TOX4: variants seen among roughly 807,000 people sequenced by gnomAD.
TOX4 encodes epidermal Langerhans cell protein LCP1.
TOX4 carries 12 observed loss-of-function variants against 61.0 expected under a neutral mutation model. The observed-to-expected ratio is 0.20, with a 90% CI of 0.13 to 0.32. The LOEUF is 0.32. Among genes scored for constraint, TOX4 ranks in the 10% least tolerant of loss-of-function variants. The probability of loss-of-function intolerance (pLI) is 1.00; values close to 1 mark genes in which losing one functional copy is unlikely to be tolerated. For synonymous variants in TOX4, 268 were observed against 274.8 expected (o/e 0.98, Z 0.24); for missense variants, 499 against 753.3 (o/e 0.66, Z 3.95).
intron 2 of TOX4, among the ~76,000 whole-genome samples, chr14:21,480,107 G>A (rs13329035): frequency 0.22 from 32,952 of 152,104 alleles, 4,326 homozygotes; most frequent in Middle Eastern, 0.33. Context: ...TACTAGTATT[G>A]TAGGTGTGAG....
intron 2 of TOX4, chr14:21,482,521 C>CT (rs1229788818): frequency 1.8e-5 from 8 of 454,358 alleles, no homozygotes; most frequent in African/African-American, 1.6e-4. Context: ...ATTTAAGCAT[C>CT]TTTGCTTATA....
chr14:21,488,981 C>T, intron 4 of TOX4, 131 bp downstream of exon 4: 1 of 1,352,756 alleles, frequency 7.4e-7, no homozygotes, highest in South Asian at 1.4e-5. Context: ...TATGGGGTTC[C>T]ACCTCCCAAT....
intron 6 of TOX4, 37 bp downstream of exon 6, chr14:21,492,413 TAAG>T: frequency 1.9e-6 from 3 of 1,610,838 alleles, no homozygotes; most frequent in Non-Finnish European, 2.5e-6. Flanking sequence ...TTTAAACCAG[TAAG>T]AAGTTTTTTG....
intron 2 of TOX4, among the ~76,000 whole-genome samples, chr14:21,478,494 A>C (rs1300644628): frequency 7.2e-6 from 1 of 138,156 alleles, no homozygotes; most frequent in Non-Finnish European, 1.6e-5. Context: ...GGTTATGATG[A>C]AACCCTGAAG....
At chr14:21,492,253 T>C in intron 5 of TOX4, 43 bp from the exon 6 acceptor site, 1 of 1,518,728 alleles carries the variant, frequency 6.6e-7, no homozygotes, top group Non-Finnish European at 9.0e-7. Context: ...TTCCTAAGAG[T>C]ATGGGGAGTT....
At position 21,492,937 on chromosome 14, in the gene TOX4, C is replaced by T; in HGVS notation, c.1321C>T (p.Pro441Ser). Reference sequence around the variant, plus strand: ...TGCTGCTTCTATGCAACTGCCTCCACCCCGACTACAGCCCCCTCCATTACA... The same window carrying T: ...TGCTGCTTCTATGCAACTGCCTCCATCCCGACTACAGCCCCCTCCATTACA... The part of the protein sequence containing the change: ...AAAASMQLPP[P>S]RLQPPPLQQM... Residue 441 changes from proline (P) to serine (S), a missense_variant, in exon 7 of 9, where the codon CCC becomes TCC. Physicochemically the swap from Pro to Ser is moderately conservative, Grantham distance 74. This residue lies in a region of TOX4 where 296 missense variants were observed against 404.7 expected (regional missense o/e 0.73). Transcript: ENST00000448790. The T allele has an allele frequency of 1.2e-6, 2 of 1,611,538 alleles. No individual in the cohort carries two copies. The highest frequency in any genetic ancestry group is 1.1e-5 in the South Asian group (1 of 90,878).
intron 5 of TOX4, among the ~76,000 whole-genome samples, chr14:21,490,292 C>T (rs1001801062): frequency 2.0e-5 from 3 of 151,998 alleles, no homozygotes; most frequent in East Asian, 1.9e-4. Flanking sequence ...TCCTGGCTGA[C>T]ATTGAAACCC....
chr14:21,499,015 G>A lies in TOX4; in HGVS notation c.*2409G>A. 1 of 1,595,838 alleles carries A rather than the reference G, an allele frequency of 6.3e-7. No homozygotes were observed. The highest frequency in any genetic ancestry group is 1.1e-5 in the South Asian group (1 of 90,716). On this transcript the variant is annotated 3_prime_UTR_variant, in exon 9 of 9. Transcript: ENST00000448790. ...CCCTTGAGGACTAGCCTGTTCTCTG[G>A]TCACCTTACCAGTTGGGTTGCACAT... is the stretch of plus-strand genomic sequence containing the variant.
intron 2 of TOX4, 25 bp from the exon 3 acceptor site, chr14:21,487,426 C>G (rs376001036): frequency 6.2e-7 from 1 of 1,608,430 alleles, no homozygotes; most frequent in Admixed American, 1.7e-5. Context: ...TTCACTAATT[C>G]TTTTCCCCCT....
Position 21,498,205 on chromosome 14 carries a change from G to T in TOX4, c.*1599G>T. The T allele has an allele frequency of 2.9e-6, 3 of 1,028,278 alleles. No individual in the cohort carries two copies. The highest frequency in any genetic ancestry group is 1.3e-5 in the South Asian group (1 of 77,978). 63.7% of individuals were successfully genotyped at this position (1,028,278 alleles called of 1,614,324 possible). ...CTATTGTACAAATATCACTCTTCAG[G>T]TTTAGCTTACAGAGCCATGGCTATG... On this transcript the variant is annotated 3_prime_UTR_variant, in exon 9 of 9. Transcript: ENST00000448790.
At position 21,495,378 on chromosome 14, in the gene TOX4, G is replaced by C. The variant is rs1429396354; in HGVS notation, c.1791G>C (p.Val597=). ...ATGAATACTGCAGCAATGAGTGTGT[G>C]GTGAAGCACTGCAGGTGAGCTTACA... ...WDNEYCSNEC[V]VKHCRDVFLA... Residue 597 remains valine (V), a synonymous_variant, in exon 8 of 9, where the codon GTG becomes GTC. Coordinates refer to ENST00000448790, the MANE Select transcript of TOX4 (RefSeq NM_014828.4). 1 of 1,613,380 alleles carries C rather than the reference G, an allele frequency of 6.2e-7. No individual in the cohort carries two copies. Among genetic ancestry groups the C allele is most frequent in the Non-Finnish European group, 8.5e-7 (1 of 1,179,702 alleles).
chr14:21,477,355 C>T (rs1245830352), intron 1 of TOX4, 71 bp downstream of exon 1: 1 of 1,613,664 alleles, frequency 6.2e-7, no homozygotes, highest in Non-Finnish European at 8.5e-7. Flanking sequence ...GACGGGAAGC[C>T]GGGCGGAGAG....
intron 2 of TOX4, among the ~76,000 whole-genome samples, chr14:21,478,018 C>T (rs1470153104): frequency 1.3e-5 from 2 of 152,164 alleles, no homozygotes; most frequent in South Asian, 2.1e-4. Context: ...CTCACTGCAA[C>T]CTCTGTCTCC....
At chr14:21,493,816 T>C (rs2139631080) in intron 7 of TOX4, among the ~76,000 whole-genome samples, 1 of 151,936 alleles carries the variant, frequency 6.6e-6, no homozygotes, top group Admixed American at 6.6e-5. Context: ...AGTGGTGTAA[T>C]CTTGGCTCAC....
intron 2 of TOX4, among the ~76,000 whole-genome samples, chr14:21,478,669 A>G (rs547499703): frequency 3.3e-5 from 5 of 152,382 alleles, no homozygotes; most frequent in Admixed American, 3.3e-4. Flanking sequence ...TTTATTTTCA[A>G]AAGTGGTGTG....
chr14:21,498,182 A>T lies in TOX4; in HGVS notation c.*1576A>T. On this transcript the variant is annotated 3_prime_UTR_variant, in exon 9 of 9. Coordinates refer to ENST00000448790, the MANE Select transcript of TOX4 (RefSeq NM_014828.4). ...GTTTATTTAAATAAAGAAGAAAGCT[A>T]TTGTACAAATATCACTCTTCAGGTT... The T allele has an allele frequency of 1.2e-6, 1 of 819,196 alleles. No homozygotes were observed. Among genetic ancestry groups the T allele is most frequent in the Non-Finnish European group, 2.1e-6 (1 of 478,994 alleles). 50.7% of individuals were successfully genotyped at this position (819,196 alleles called of 1,614,324 possible). A position where few individuals can be genotyped will look rare whatever the true frequency, so the allele number is the denominator to read the frequency against.
intron 2 of TOX4, among the ~76,000 whole-genome samples, chr14:21,478,885 C>T (rs1000421889): frequency 1.3e-5 from 2 of 151,690 alleles, no homozygotes; most frequent in African/African-American, 2.4e-5. Flanking sequence ...CTCACTGCAG[C>T]CTCCACCTCC....
rs1267173413 is a variant in TOX4, at chr14:21,497,493, A to G, written c.*887A>G. On this transcript the variant is annotated 3_prime_UTR_variant, in exon 9 of 9. Coordinates refer to ENST00000448790, the MANE Select transcript of TOX4 (RefSeq NM_014828.4). ...CCAGCTACGTACATAGTTTTATCCT[A>G]TGCATTCCTGTTTTCTGTGTGTTTT... 4 of 144,148 alleles carry G rather than the reference A, an allele frequency of 2.8e-5. No homozygotes were observed. Among genetic ancestry groups the G allele is most frequent in the Admixed American group, 7.0e-5 (1 of 14,358 alleles). The allele number at this position is 144,148 out of a possible 1,614,324, so 8.9% of individuals were successfully genotyped here.
chr14:21,484,573 C>T lies in TOX4; in HGVS notation c.76-2878C>T, dbSNP rs1393954688. ...CCATGTTGGCCAGGCTGGTCTCGAA[C>T]TCTTGACCTCAGGTGGTCCACCCAC... On this transcript the variant is annotated intron_variant, in intron 2 of 8. Transcript: ENST00000448790. Among the ~76,000 whole-genome samples, 5 of 104,080 alleles carry T rather than the reference C, an allele frequency of 4.8e-5. 1 individual carries two copies. Among genetic ancestry groups the T allele is most frequent in the African/African-American group, 1.8e-4 (5 of 27,684 alleles). The allele number at this position is 104,080 out of a possible 152,430, so 68.3% of individuals were successfully genotyped here.
Sources: gnomAD v4.1 joint callset for allele counts (sites outside exome capture counted in the v4.1 genomes callset) on GRCh38, gnomAD v4.1.1 for gene constraint, gnomAD v4.1.1 regional missense constraint, MANE v1.5 for transcripts, NCBI Gene and HGNC (gene_info 2026-07-23, HGNC 2026-07-21) for gene names.